The following TTC39C variants were observed in gnomAD, a reference collection of about 807,000 sequenced individuals.
TTC39C encodes the protein tetratricopeptide repeat protein 39C.
In TTC39C, 33 loss-of-function variants were observed where a neutral mutation model predicts 76.3. That is an observed-to-expected ratio of 0.43 (90% CI 0.33 to 0.58). The LOEUF (loss-of-function observed/expected upper bound fraction) is 0.58. Ranked by LOEUF, TTC39C falls within the 20% of genes least tolerant of loss-of-function variation. The pLI, the probability that TTC39C is intolerant of heterozygous loss-of-function variation, is 0.04. For missense variants in TTC39C, 595 were observed against 701.4 expected, an observed-to-expected ratio of 0.85 and a Z score of 1.71; for synonymous variants, 254 against 260.6, an observed-to-expected ratio of 0.97 and a Z score of 0.24.
chr18:24,024,797 C>T (rs2083577297), intron 1 of TTC39C, among the ~76,000 whole-genome samples: 1 of 152,082 alleles, frequency 6.6e-6, no homozygotes, highest in African/African-American at 2.4e-5. Context: ...GAGTGGCAAC[C>T]GACTCCTGAG....
intron 6 of TTC39C, among the ~76,000 whole-genome samples, chr18:24,097,770 C>T (rs1398026218): frequency 2.0e-5 from 3 of 152,118 alleles, no homozygotes; most frequent in Non-Finnish European, 4.4e-5. Context: ...GTGATTTCAC[C>T]ATTCTTTCAC....
intron 1 of TTC39C, among the ~76,000 whole-genome samples, chr18:24,057,258 C>CA (rs1568421688): frequency 6.6e-6 from 1 of 151,608 alleles, no homozygotes. Flanking sequence ...CATTACACAC[C>CA]GAAAAAAAGA....
chr18:24,040,323 G>A (rs1424980338), intron 1 of TTC39C, among the ~76,000 whole-genome samples: 26 of 152,130 alleles, frequency 1.7e-4, no homozygotes, highest in Non-Finnish European at 1.6e-4. Context: ...TTTCAGTATT[G>A]GGGTCACTGA....
intron 6 of TTC39C, chr18:24,114,314 A>C: frequency 3.7e-6 from 1 of 271,136 alleles, no homozygotes; most frequent in East Asian, 6.1e-5. Context: ...GCTGGAGGAG[A>C]AGGCGGCGCG....
At chr18:24,008,762 C>T (rs1453345770) in intron 1 of TTC39C, among the ~76,000 whole-genome samples, 1 of 152,232 alleles carries the variant, frequency 6.6e-6, no homozygotes, top group Non-Finnish European at 1.5e-5. Context: ...AATTCAACTG[C>T]AGCACTATTC....
intron 6 of TTC39C, among the ~76,000 whole-genome samples, chr18:24,085,877 G>A (rs778733589): frequency 6.6e-6 from 1 of 152,192 alleles, no homozygotes; most frequent in Non-Finnish European, 1.5e-5. Context: ...AGATTTTAAG[G>A]CTAACTTGAA....
intron 1 of TTC39C, among the ~76,000 whole-genome samples, chr18:24,060,313 G>GTTTTTTTTT (rs1294806136): frequency 1.6e-4 from 14 of 89,244 alleles, no homozygotes; most frequent in South Asian, 4.4e-4. Flanking sequence ...TTGCGTTTCT[G>GTTTTTTTTT]TTTTTTTTTT....
At chr18:24,005,635 C>T (rs1042640134) in intron 1 of TTC39C, among the ~76,000 whole-genome samples, 1 of 150,624 alleles carries the variant, frequency 6.6e-6, no homozygotes, top group Non-Finnish European at 1.5e-5. Flanking sequence ...CTCTTGAGGC[C>T]AGGAGTTTAA....
intron 1 of TTC39C, among the ~76,000 whole-genome samples, chr18:24,001,823 G>GATTTTT (rs2083312701): frequency 1.7e-5 from 1 of 57,496 alleles, no homozygotes; most frequent in Non-Finnish European, 4.7e-5. Context: ...CGGTAATTCT[G>GATTTTT]TTTTTTTTTT....
intron 1 of TTC39C, among the ~76,000 whole-genome samples, chr18:24,063,075 A>C (rs1004831245): frequency 2.0e-5 from 3 of 152,260 alleles, no homozygotes; most frequent in African/African-American, 7.2e-5. Context: ...TTGCATAATA[A>C]AAAATCAGTA....
chr18:24,123,742 CT>C (rs58104245), intron 8 of TTC39C, 91 bp from the exon 9 acceptor site: 70,016 of 677,690 alleles, frequency 0.1, no homozygotes, highest in Middle Eastern at 0.14. Flanking sequence ...TTTGCTCCTG[CT>C]TTTTTTTTTT....
At chr18:23,998,265 T>C (rs1204141118) in intron 1 of TTC39C, among the ~76,000 whole-genome samples, 1 of 152,234 alleles carries the variant, frequency 6.6e-6, no homozygotes, top group Non-Finnish European at 1.5e-5. Context: ...TTGTTGTCCT[T>C]AGTTGTCCCA....
At chr18:24,113,352 C>T (rs1361194908) in intron 6 of TTC39C, 3 of 546,288 alleles carry the variant, frequency 5.5e-6, no homozygotes, top group African/African-American at 3.8e-5. Context: ...CCTGCAGTGA[C>T]GTGCTGAGGA....
intron 6 of TTC39C, among the ~76,000 whole-genome samples, chr18:24,084,355 C>T (rs531611543): frequency 7.0e-4 from 107 of 152,114 alleles, no homozygotes; most frequent in Admixed American, 2.5e-3. Context: ...CATGGTGGTA[C>T]GTGCCTGTAA....
At chr18:24,034,208 G>A (rs1285662994) in intron 1 of TTC39C, among the ~76,000 whole-genome samples, 1 of 152,172 alleles carries the variant, frequency 6.6e-6, no homozygotes, top group African/African-American at 2.4e-5. Context: ...AAGCACAAAG[G>A]CTACCCTGAA....
intron 6 of TTC39C, among the ~76,000 whole-genome samples, chr18:24,095,489 AG>A (rs1352041101): frequency 6.6e-6 from 1 of 152,200 alleles, no homozygotes; most frequent in Non-Finnish European, 1.5e-5. Flanking sequence ...ACCTGAGATC[AG>A]GAGTTCGAGA....
chr18:24,043,560 G>A (rs932893751), intron 1 of TTC39C, among the ~76,000 whole-genome samples: 4 of 152,200 alleles, frequency 2.6e-5, no homozygotes, highest in African/African-American at 9.6e-5. Flanking sequence ...CCCATGGGAG[G>A]CAGGGCGCCC....
chr18:24,003,379 G>T (rs1020497120), intron 1 of TTC39C, among the ~76,000 whole-genome samples: 1 of 152,172 alleles, frequency 6.6e-6, no homozygotes, highest in African/African-American at 2.4e-5. Flanking sequence ...CTGTCAGTGT[G>T]TCTGTCTCAC....
intron 6 of TTC39C, among the ~76,000 whole-genome samples, chr18:24,106,715 G>A (rs549616137): frequency 2.0e-5 from 3 of 152,270 alleles, no homozygotes; most frequent in African/African-American, 7.2e-5. Context: ...GTTTTGAGAC[G>A]GAGTCTGGCT....
Sources: gnomAD v4.1 joint callset for allele counts (sites outside exome capture counted in the v4.1 genomes callset) on GRCh38, gnomAD v4.1.1 for gene constraint, MANE v1.5 for transcripts, NCBI Gene and HGNC (gene_info 2026-07-23, HGNC 2026-07-21) for gene names.